The following HIRIP3 variants were observed in gnomAD, a reference collection of about 807,000 sequenced individuals.
HIRIP3 encodes HIRA-interacting protein 3.
Under a neutral mutation model 50.3 loss-of-function variants are expected in HIRIP3, and 40 were observed. That is an observed-to-expected ratio of 0.79 (90% CI 0.62 to 1.03). The LOEUF (loss-of-function observed/expected upper bound fraction) is 1.03. Ranked by LOEUF, HIRIP3 falls within the 50% of genes least tolerant of loss-of-function variation. HIRIP3 has a pLI of 0.00. For missense variants in HIRIP3, 765 were observed against 705.4 expected (o/e 1.08, Z -0.96); for synonymous variants, 318 against 261.6 (o/e 1.22, Z -2.08).
chr16:29,996,035 A>G, upstream of HIRIP3: 1 of 587,296 alleles, frequency 1.7e-6, no homozygotes, highest in Non-Finnish European at 3.0e-6. Context: ...TAAGTACATT[A>G]GAGTCAGGAA....
In HIRIP3 at chr16:29,994,664, C is replaced by T. The variant is rs141957940; in HGVS notation, c.481G>A (p.Glu161Lys). 6.2e-7 allele frequency: 1 copy of T among 1,614,174 alleles called. No homozygotes were observed. The highest frequency in any genetic ancestry group is 8.5e-7 in the Non-Finnish European group (1 of 1,180,036). ...LPAQRGEESS[E>K]EEEKGYKGKT... The stretch of plus-strand genomic sequence containing the variant: ...CCCTTGTACCCCTTTTCCTCCTCCT[C>T]ACTGCTCTCCTCTCCCCTCTGTGCG... The change falls in exon 4 of 7, where the codon GAG becomes AAG. Residue 161 changes from glutamate to lysine, a missense_variant. Glu to Lys is a moderately conservative substitution (Grantham distance 56). Coordinates refer to ENST00000279392, the MANE Select transcript of HIRIP3 (RefSeq NM_003609.5).
At chr16:29,995,244 A>G (rs893139288) in intron 2 of HIRIP3, 27 bp from the exon 3 acceptor site, 5 of 1,613,974 alleles carry the variant, frequency 3.1e-6, no homozygotes, top group South Asian at 1.1e-5. Flanking sequence ...AGGGCAAACT[A>G]TGCACCAAGG....
chr16:29,993,701 A>G lies in HIRIP3; in HGVS notation c.1347T>C (p.Cys449=). The change falls in exon 5 of 7, where the codon TGT becomes TGC. Residue 449 remains cysteine (C), a synonymous_variant. Transcript: ENST00000279392. The part of the protein sequence containing the change: ...HRNYKKLLGS[C]CSHKERLSIL... ...TACTCAGGCGCTCCTTGTGTGAGCA[A>G]CAGGAGCCCAACAGCTTCTTGTAGT... 2 of 1,610,078 alleles carry G rather than the reference A, an allele frequency of 1.2e-6. No individual in the cohort carries two copies. The highest frequency in any genetic ancestry group is 1.7e-6 in the Non-Finnish European group (2 of 1,179,992).
Position 29,993,158 on chromosome 16 carries a change from A to T in HIRIP3, c.*49T>A. On this transcript the variant is annotated 3_prime_UTR_variant, in exon 7 of 7. Coordinates refer to ENST00000279392, the MANE Select transcript of HIRIP3 (RefSeq NM_003609.5). ...CCACAGACACAGGGCAAGGGGTGCT[A>T]TGTATGCTTTGTACATGTATCAAGG... 6.6e-7 allele frequency: 1 copy of T among 1,510,204 alleles called. No homozygotes were observed. Among genetic ancestry groups the T allele is most frequent in the Non-Finnish European group, 8.9e-7 (1 of 1,122,388 alleles). The allele number at this position is 1,510,204 out of a possible 1,614,324, so 93.6% of individuals were successfully genotyped here. A position where few individuals can be genotyped will look rare whatever the true frequency, so the allele number is the denominator to read the frequency against.
At position 29,993,186 on chromosome 16, in the gene HIRIP3, C is replaced by T. The variant is rs751529974; in HGVS notation, c.*21G>A. On this transcript the variant is annotated 3_prime_UTR_variant, in exon 7 of 7. Transcript: ENST00000279392. ...TATGCTTTGTACATGTATCAAGGGTCCCTCCTGGGGGTGGCAGAGCTCAGT... is the reference window on the plus strand; with the variant it reads ...TATGCTTTGTACATGTATCAAGGGTTCCTCCTGGGGGTGGCAGAGCTCAGT... 1.3e-5 allele frequency: 20 copies of T among 1,568,458 alleles called. No individual in the cohort carries two copies. In the South Asian group the frequency reaches 2.3e-4, roughly 18 times the overall value.
chr16:29,995,371 A>G lies in HIRIP3; in HGVS notation c.158T>C (p.Leu53Pro), dbSNP rs778398805. The G allele has an allele frequency of 1.2e-6, 2 of 1,612,920 alleles. No homozygotes were observed. The highest frequency in any genetic ancestry group is 1.7e-6 in the Non-Finnish European group (2 of 1,179,630). Reference sequence around the variant, plus strand: ...CATCTTCAGCAGCTCCTCCTCCACCAGCCGCTTCAGTGCCTGCTTCTCCTC... The same window carrying G: ...CATCTTCAGCAGCTCCTCCTCCACCGGCCGCTTCAGTGCCTGCTTCTCCTC... ...EPEEKQALKR[L>P]VEEELLKMQV... Residue 53 changes from leucine to proline, a missense_variant, in exon 2 of 7, where the codon CTG (leucine) becomes CCG (proline). Leu to Pro is a moderately conservative substitution (Grantham distance 98). Transcript: ENST00000279392.
rs779536055 is a variant in HIRIP3 at position 29,995,589 on chromosome 16, T to G, written c.17A>C (p.Glu6Ala). Residue 6 changes from glutamate to alanine, a missense_variant, in exon 1 of 7, where the codon GAG (glutamate) becomes GCG (alanine). Coordinates refer to ENST00000279392, the MANE Select transcript of HIRIP3 (RefSeq NM_003609.5). ...GAAGCTACGGGTGAACTCCTGCATC[T>G]CCTTCTCCCGCGCCATTTTGCTCAA... Reference protein sequence around the residue: MAREKEMQEFTRSFFR... With the variant: MAREKAMQEFTRSFFR... The G allele has an allele frequency of 6.2e-7, 1 of 1,612,256 alleles. No individual in the cohort carries two copies. Among genetic ancestry groups the G allele is most frequent in the African/African-American group, 1.3e-5 (1 of 74,878 alleles).
In HIRIP3 at chr16:29,994,383, C is replaced by G. The variant is rs1171783815; in HGVS notation, c.762G>C (p.Lys254Asn). Residue 254 changes from lysine to asparagine, a missense_variant, in exon 4 of 7, where the codon AAG (lysine) becomes AAC (asparagine). Transcript: ENST00000279392. ...EEEEKEEDEE[K>N]GDWKPRTRSN... ...TCCTGGTTCTGGGTTTCCAATCCCC[C>G]TTTTCCTCATCCTCTTCTTTCTCTT... is the stretch of plus-strand genomic sequence containing the variant. 4 of 1,614,130 alleles carry G rather than the reference C, an allele frequency of 2.5e-6. No individual in the cohort carries two copies. Among genetic ancestry groups the G allele is most frequent in the Non-Finnish European group, 3.4e-6 (4 of 1,180,014 alleles).
At position 29,993,630 on chromosome 16, in the gene HIRIP3, C is replaced by T. The variant is rs376218176; in HGVS notation, c.1408+10G>A. On this transcript the variant is annotated intron_variant, in intron 5 of 6. Transcript: ENST00000279392. ...CTCTCCTGCAGCCCCCAGGGCACGCCGGGCCTCACCCTTCATGCCTAGCGC... is the reference window on the plus strand; with the variant it reads ...CTCTCCTGCAGCCCCCAGGGCACGCTGGGCCTCACCCTTCATGCCTAGCGC... 7.1e-5 allele frequency: 115 copies of T among 1,612,114 alleles called. No individual in the cohort carries two copies. In the African/African-American group the frequency reaches 1.2e-3, roughly 17 times the overall value.
At position 29,993,700 on chromosome 16, in the gene HIRIP3, A is replaced by T. The variant is rs2070016266; in HGVS notation, c.1348T>A (p.Cys450Ser). ...ATACTCAGGCGCTCCTTGTGTGAGC[A>T]ACAGGAGCCCAACAGCTTCTTGTAG... Reference protein sequence around the residue: ...RNYKKLLGSCCSHKERLSILR... With the variant: ...RNYKKLLGSCSSHKERLSILR... Residue 450 changes from cysteine (C) to serine (S), a missense_variant, in exon 5 of 7, where the codon TGC (cysteine) becomes AGC (serine). Cys to Ser is a moderately radical substitution (Grantham distance 112). Transcript: ENST00000279392. The T allele has an allele frequency of 6.2e-7, 1 of 1,610,080 alleles. No homozygotes were observed. Among genetic ancestry groups the T allele is most frequent in the African/African-American group, 1.3e-5 (1 of 74,942 alleles).
Position 29,995,223 on chromosome 16 carries a change from T to G in HIRIP3, c.187-6A>C, listed in dbSNP as rs962956681. ...CTGGAAGCGGCTTCATCCACCTGTG[T>G]GTGCGCCAAGAGGGCAAACTATGCA... On this transcript the variant is annotated splice_polypyrimidine_tract_variant and splice_region_variant and intron_variant, in intron 2 of 6. Coordinates refer to ENST00000279392, the MANE Select transcript of HIRIP3 (RefSeq NM_003609.5). The G allele has an allele frequency of 1.9e-6, 3 of 1,614,208 alleles. No individual in the cohort carries two copies. The highest frequency in any genetic ancestry group is 2.5e-6 in the Non-Finnish European group (3 of 1,180,022).
chr16:29,995,287 C>T, intron 2 of HIRIP3, 56 bp downstream of exon 2: 1 of 1,611,140 alleles, frequency 6.2e-7, no homozygotes, highest in Non-Finnish European at 8.5e-7. Context: ...GGCCCCTCCT[C>T]CTCAGCAGCA....
At chr16:29,993,881 G>A (rs781242146) in intron 4 of HIRIP3, 25 bp downstream of exon 4, 1 of 1,592,596 alleles carries the variant, frequency 6.3e-7, no homozygotes. Context: ...CCTAATAGTG[G>A]CCTCCCACCC....
At chr16:29,995,714 G>C (rs964100504), upstream of HIRIP3, 11 of 1,410,020 alleles carry the variant, frequency 7.8e-6, no homozygotes, top group African/African-American at 2.9e-5. Context: ...GTGGGGCGAG[G>C]GACCGTTGGC....
chr16:29,995,748 C>CGA, upstream of HIRIP3: 2 of 1,025,040 alleles, frequency 2.0e-6, no homozygotes, highest in South Asian at 3.1e-5. Flanking sequence ...CCGCGTGGGC[C>CGA]GAGAACTTTG....
chr16:29,994,000 C>T lies in HIRIP3; in HGVS notation c.1145G>A (p.Arg382Lys). Residue 382 changes from arginine (R) to lysine (K), a missense_variant, in exon 4 of 7, where the codon AGG (arginine) becomes AAG (lysine). Arg to Lys is a conservative substitution (Grantham distance 26). Coordinates refer to ENST00000279392, the MANE Select transcript of HIRIP3 (RefSeq NM_003609.5). ...GCTCTTCTTGGAAGAGCGGTTCTTC[C>T]TCTCCCCCTGGGGGCCTCCCCCTGC... ...SEAGGGPQGERKNRSSKKSSR... is the reference protein window; with the variant it reads ...SEAGGGPQGEKKNRSSKKSSR... 6.3e-7 allele frequency: 1 copy of T among 1,589,372 alleles called. No homozygotes were observed. Among genetic ancestry groups the T allele is most frequent in the Non-Finnish European group, 8.6e-7 (1 of 1,168,132 alleles).
intron 6 of HIRIP3, 21 bp downstream of exon 6, chr16:29,993,438 C>T: frequency 1.2e-6 from 2 of 1,603,996 alleles, no homozygotes; most frequent in Non-Finnish European, 8.5e-7. Context: ...TGCTCCTGGG[C>T]AGTGAGAGGA....
rs1350694814 is a variant in HIRIP3 at position 29,994,211 on chromosome 16, G to A, written c.934C>T (p.Pro312Ser). ...GDDSGRDREP[P>S]VQRKSEDRTQ... ...CTGTCCTCACTCTTCCTCTGCACTG[G>A]GGGTTCTCTATCTCTCCCACTGTCA... The change falls in exon 4 of 7, where the codon CCA (proline) becomes TCA (serine). Residue 312 changes from proline to serine, a missense_variant. By Grantham distance (74) the Pro-to-Ser change is moderately conservative. Transcript: ENST00000279392. 1 of 1,613,978 alleles carries A rather than the reference G, an allele frequency of 6.2e-7. No individual in the cohort carries two copies. The highest frequency in any genetic ancestry group is 2.2e-5 in the East Asian group (1 of 44,880).
At chr16:29,995,255 C>T (rs756792861) in intron 2 of HIRIP3, 38 bp from the exon 3 acceptor site, 6 of 1,613,474 alleles carry the variant, frequency 3.7e-6, no homozygotes, top group East Asian at 4.5e-5. Context: ...TGCACCAAGG[C>T]TGCGCTCACC....
Sources: gnomAD v4.1 joint callset for allele counts on GRCh38, gnomAD v4.1.1 for gene constraint, MANE v1.5 for transcripts, NCBI Gene and HGNC (gene_info 2026-07-23, HGNC 2026-07-21) for gene names.